PRR5L: variants seen among roughly 807,000 people sequenced by gnomAD.
PRR5L encodes the protein proline-rich protein 5-like.
PRR5L carries 21 observed loss-of-function variants against 36.4 expected under a neutral mutation model. That is an observed-to-expected ratio of 0.58 (90% confidence interval 0.41 to 0.83). PRR5L has a LOEUF of 0.83. PRR5L is among the 40% of genes least tolerant of loss of function. PRR5L has a pLI of 0.00. For synonymous variants in PRR5L, 188 were observed against 197.0 expected (o/e 0.95, Z 0.38); for missense variants, 381 against 473.3 (o/e 0.80, Z 1.81).
chr11:36,366,909 T>C (rs1183559649), intron 1 of PRR5L, among the ~76,000 whole-genome samples: 1 of 152,136 alleles, frequency 6.6e-6, no homozygotes, highest in African/African-American at 2.4e-5. Flanking sequence ...TTGCCCTCCC[T>C]TCCTTCCCTT....
intron 4 of PRR5L, among the ~76,000 whole-genome samples, chr11:36,431,604 C>G (rs746763): frequency 0.39 from 58,615 of 151,884 alleles, 11,797 homozygotes; most frequent in East Asian, 0.57. Context: ...CCTCTTCCCT[C>G]GTCTGAGGGA....
chr11:36,303,098 T>A (rs958556541), intron 1 of PRR5L, among the ~76,000 whole-genome samples: 2 of 152,108 alleles, frequency 1.3e-5, no homozygotes, highest in Non-Finnish European at 2.9e-5. Flanking sequence ...TCTCTCTGTG[T>A]GGAGAAGGAA....
chr11:36,440,988 T>A lies in PRR5L; in HGVS notation c.444+3512T>A, dbSNP rs375443972. Among the ~76,000 whole-genome samples the A allele has an allele frequency of 2.5e-4, 38 of 152,334 alleles. 1 individual carries two copies. The highest frequency in any genetic ancestry group is 9.1e-4 in the African/African-American group (38 of 41,584). On this transcript the variant is annotated intron_variant, in intron 6 of 8. Coordinates refer to ENST00000530639, the MANE Select transcript of PRR5L (RefSeq NM_001160167.2). ...CAAGGGGAGGGCACCAAGCTGTTCA[T>A]GAGGGATCTGTCCCTATGACTCTAC...
At chr11:36,378,545 AG>A (rs1322026180) in intron 1 of PRR5L, among the ~76,000 whole-genome samples, 4 of 152,234 alleles carry the variant, frequency 2.6e-5, no homozygotes, top group African/African-American at 9.6e-5. Flanking sequence ...AAGTCTAACT[AG>A]CTTATTTCTC....
intron 1 of PRR5L, among the ~76,000 whole-genome samples, chr11:36,311,506 G>A (rs761112542): frequency 1.3e-5 from 2 of 152,150 alleles, no homozygotes; most frequent in Non-Finnish European, 2.9e-5. Flanking sequence ...CAAACCAACT[G>A]AAGTTATAAT....
At chr11:36,332,661 A>C (rs1186068558) in intron 1 of PRR5L, among the ~76,000 whole-genome samples, 1 of 152,104 alleles carries the variant, frequency 6.6e-6, no homozygotes, top group East Asian at 1.9e-4. Context: ...TGGACCCCTC[A>C]TGACTGGCTT....
In PRR5L at chr11:36,405,260, G is replaced by A. The variant is rs932713092; in HGVS notation, c.245+1882G>A. ...CCTCTGTCAAAAGAGGATTACCCTGGTAGAACACAGGCCCACTGATACATC... is the reference window on the plus strand; with the variant it reads ...CCTCTGTCAAAAGAGGATTACCCTGATAGAACACAGGCCCACTGATACATC... On this transcript the variant is annotated intron_variant, in intron 3 of 8. Coordinates refer to ENST00000530639, the MANE Select transcript of PRR5L (RefSeq NM_001160167.2). 2.6e-5 allele frequency among the ~76,000 whole-genome samples: 4 copies of A among 152,178 alleles called. No homozygotes were observed. In the East Asian group the frequency reaches 7.7e-4, roughly 29 times the overall value.
intron 1 of PRR5L, among the ~76,000 whole-genome samples, chr11:36,339,051 C>G (rs1219595768): frequency 1.3e-5 from 2 of 152,170 alleles, no homozygotes; most frequent in African/African-American, 2.4e-5. Context: ...ACCTTCTGCC[C>G]TCTATCATGA....
chr11:36,308,112 T>C (rs1242730959), intron 1 of PRR5L, among the ~76,000 whole-genome samples: 1 of 151,952 alleles, frequency 6.6e-6, no homozygotes, highest in Non-Finnish European at 1.5e-5. Context: ...CTGAGAAAAA[T>C]TGGGATTTTA....
intron 1 of PRR5L, among the ~76,000 whole-genome samples, chr11:36,388,698 C>CTT (rs36056659): frequency 0.11 from 11,642 of 108,242 alleles, 1,056 homozygotes; most frequent in East Asian, 0.37. Context: ...CTCTTTCTTT[C>CTT]TTTTTTTTTT....
chr11:36,361,958 G>A (rs1286902686), intron 1 of PRR5L: 1 of 151,744 alleles, frequency 6.6e-6, no homozygotes, highest in African/African-American at 2.4e-5. Flanking sequence ...GACCTCTGAG[G>A]GTCCTTTCAG....
intron 1 of PRR5L, chr11:36,297,447 T>A (rs1856324574): frequency 6.6e-6 from 1 of 152,286 alleles, no homozygotes; most frequent in Non-Finnish European, 1.5e-5. Flanking sequence ...AATTGCTCAA[T>A]GAGTGGTATC....
intron 7 of PRR5L, among the ~76,000 whole-genome samples, chr11:36,448,646 G>T (rs899182014): frequency 6.6e-6 from 1 of 152,150 alleles, no homozygotes; most frequent in Non-Finnish European, 1.5e-5. Flanking sequence ...GGTTGAGCAG[G>T]ACTGATGCTG....
intron 4 of PRR5L, among the ~76,000 whole-genome samples, chr11:36,430,210 G>A (rs1858464291): frequency 6.6e-6 from 1 of 152,102 alleles, no homozygotes; most frequent in Non-Finnish European, 1.5e-5. Flanking sequence ...AAAAGTTCGA[G>A]ACCAGCCTGG....
At chr11:36,305,637 G>A (rs532642186) in intron 1 of PRR5L, among the ~76,000 whole-genome samples, 13 of 152,120 alleles carry the variant, frequency 8.5e-5, no homozygotes, top group Non-Finnish European at 1.5e-4. Context: ...ATAAGGGTGG[G>A]GCCCTCCTGA....
intron 1 of PRR5L, among the ~76,000 whole-genome samples, chr11:36,322,419 C>T (rs980097175): frequency 7.9e-5 from 12 of 152,068 alleles, no homozygotes; most frequent in Admixed American, 6.6e-5. Flanking sequence ...CACCAGAAAA[C>T]AGAATGATTT....
rs779507738 is a variant in PRR5L at position 36,446,452 on chromosome 11, C to CTGGA, written c.585+13_585+16dup. The CTGGA allele has an allele frequency of 8.7e-6, 14 of 1,613,378 alleles. No individual in the cohort carries two copies. The highest frequency in any genetic ancestry group is 8.3e-5 in the Admixed American group (5 of 59,992). On this transcript the variant is annotated intron_variant, in intron 7 of 8. Transcript: ENST00000530639. ...TGCTCATCCTGCAGGTGAGGCTGTGCTGGAGACTTGCCCCAAGGCAGAGGG... is the reference window on the plus strand; with the variant it reads ...TGCTCATCCTGCAGGTGAGGCTGTGCTGGATGGAGACTTGCCCCAAGGCAGAGGG...
intron 1 of PRR5L, among the ~76,000 whole-genome samples, chr11:36,371,167 A>G (rs1857194068): frequency 6.6e-6 from 1 of 152,186 alleles, no homozygotes. Flanking sequence ...TATTTTGCTT[A>G]TGTCATCCAA....
intron 1 of PRR5L, among the ~76,000 whole-genome samples, chr11:36,307,315 T>C (rs1856445643): frequency 6.6e-6 from 1 of 152,200 alleles, no homozygotes. Context: ...ATTAAGCAGC[T>C]TACTCAAAGG....
Sources: gnomAD v4.1 joint callset for allele counts (sites outside exome capture counted in the v4.1 genomes callset) on GRCh38, gnomAD v4.1.1 for gene constraint, MANE v1.5 for transcripts, NCBI Gene and HGNC (gene_info 2026-07-23, HGNC 2026-07-21) for gene names.